The following SCN1A variants were observed in gnomAD, a reference collection of about 807,000 sequenced individuals.
SCN1A encodes sodium voltage-gated channel alpha subunit 1.
A neutral mutation model predicts 193.7 loss-of-function variants in SCN1A; 13 were observed. That is an observed-to-expected ratio of 0.07 (90% confidence interval 0.04 to 0.11). SCN1A has a LOEUF of 0.11. SCN1A is among the 10% of genes least tolerant of loss of function. The pLI, the probability that SCN1A is intolerant of heterozygous loss-of-function variation, is 1.00. For missense variants in SCN1A, 1,432 were observed against 2,451.1 expected (o/e 0.58, Z 8.78); for synonymous variants, 781 against 843.6 (o/e 0.93, Z 1.29).
At chr2:166,086,425 A>AT (rs1175736219) in intron 2 of SCN1A, among the ~76,000 whole-genome samples, 1 of 152,106 alleles carries the variant, frequency 6.6e-6, no homozygotes, top group Non-Finnish European at 1.5e-5. Flanking sequence ...TAATGTCGCC[A>AT]TTTTTTCCAC....
intron 4 of SCN1A, chr2:166,059,581 A>T (rs1683066332): frequency 6.6e-6 from 1 of 152,210 alleles, no homozygotes; most frequent in African/African-American, 2.4e-5. Flanking sequence ...ACTTATATTT[A>T]GACAGAGCCA....
intron 1 of SCN1A, among the ~76,000 whole-genome samples, chr2:166,136,493 G>T (rs910858183): frequency 1.3e-5 from 2 of 151,588 alleles, no homozygotes; most frequent in African/African-American, 2.4e-5. Context: ...CCCTTTTCTT[G>T]TCCCTCTGCT....
At chr2:166,103,915 T>G (rs1332817967) in intron 2 of SCN1A, among the ~76,000 whole-genome samples, 1 of 152,204 alleles carries the variant, frequency 6.6e-6, no homozygotes, top group East Asian at 1.9e-4. Flanking sequence ...ATACTGTGTA[T>G]AGCTAGAGCA....
intron 17 of SCN1A, among the ~76,000 whole-genome samples, chr2:166,038,908 A>G (rs970502597): frequency 6.6e-6 from 1 of 152,186 alleles, no homozygotes; most frequent in African/African-American, 2.4e-5. Flanking sequence ...ATAATTCTAC[A>G]ATTATTTTCC....
intron 19 of SCN1A, among the ~76,000 whole-genome samples, chr2:166,021,893 C>T (rs1694120198): frequency 6.6e-6 from 1 of 152,060 alleles, no homozygotes; most frequent in African/African-American, 2.4e-5. Context: ...AGGGAAGTTC[C>T]ACTTTCATCT....
At chr2:166,056,725 T>C (rs1385455462) in intron 5 of SCN1A, among the ~76,000 whole-genome samples, 2 of 152,032 alleles carry the variant, frequency 1.3e-5, no homozygotes, top group African/African-American at 4.8e-5. Flanking sequence ...AGGTAATGTA[T>C]ATGAAAGCAT....
chr2:166,108,790 A>G (rs1015920610), intron 2 of SCN1A, among the ~76,000 whole-genome samples: 10 of 152,186 alleles, frequency 6.6e-5, no homozygotes, highest in Admixed American at 4.6e-4. Context: ...GTGATTGCCT[A>G]GGACTGGGAG....
At chr2:166,142,348 G>T (rs868021703) in intron 1 of SCN1A, among the ~76,000 whole-genome samples, 1 of 152,194 alleles carries the variant, frequency 6.6e-6, no homozygotes, top group Middle Eastern at 3.4e-3. Flanking sequence ...TTTATAATTG[G>T]GTTGTTTTCT....
At chr2:166,003,395 T>A (rs897250434) in intron 23 of SCN1A, among the ~76,000 whole-genome samples, 1 of 151,622 alleles carries the variant, frequency 6.6e-6, no homozygotes, top group African/African-American at 2.4e-5. Flanking sequence ...CTGAGTTTAA[T>A]TCAAAAAACT....
At chr2:166,103,406 G>A (rs954272529) in intron 2 of SCN1A, among the ~76,000 whole-genome samples, 96 of 151,750 alleles carry the variant, frequency 6.3e-4, no homozygotes, top group African/African-American at 2.1e-3. Context: ...AGCCGAGTTC[G>A]CACCGCTGCA....
intron 2 of SCN1A, among the ~76,000 whole-genome samples, chr2:166,124,722 T>C (rs1295034461): frequency 6.6e-6 from 1 of 152,148 alleles, no homozygotes; most frequent in Non-Finnish European, 1.5e-5. Context: ...TACCATCACA[T>C]GGATGATGAG....
chr2:166,111,959 G>A (rs1329207490), intron 2 of SCN1A, among the ~76,000 whole-genome samples: 2 of 152,226 alleles, frequency 1.3e-5, no homozygotes, highest in Non-Finnish European at 2.9e-5. Flanking sequence ...TCTTATAGAC[G>A]AGCAAAGAAA....
At chr2:166,070,131 AAATT>A (rs1324948817) in intron 4 of SCN1A, among the ~76,000 whole-genome samples, 1 of 152,226 alleles carries the variant, frequency 6.6e-6, no homozygotes, top group African/African-American at 2.4e-5. Context: ...TTAGAAAAGA[AAATT>A]AAAGGCAGAA....
chr2:166,098,520 G>A (rs1029763210), intron 2 of SCN1A, among the ~76,000 whole-genome samples: 8 of 152,054 alleles, frequency 5.3e-5, no homozygotes, highest in Admixed American at 2.0e-4. Context: ...CCAGGCAGGA[G>A]AAAGAAATAA....
At chr2:166,005,290 G>C (rs1376878597) in intron 23 of SCN1A, among the ~76,000 whole-genome samples, 2 of 151,414 alleles carry the variant, frequency 1.3e-5, no homozygotes, top group Non-Finnish European at 3.0e-5. Context: ...GTTTAGATTA[G>C]TATTTATTGA....
At position 166,045,114 on chromosome 2, in the gene SCN1A, T is replaced by C; in HGVS notation, c.1591A>G (p.Arg531Gly). The change falls in exon 13 of 29, where the codon AGG becomes GGG. Residue 531 changes from arginine to glycine, a missense_variant. Arg to Gly is a moderately radical substitution (Grantham distance 125). This residue lies in a region of SCN1A where 316 missense variants were observed against 362.1 expected (regional missense o/e 0.87). Transcript: ENST00000674923. ...QKSESEDSIR[R>G]KGFRFSIEGN... Reference sequence around the variant, plus strand: ...TCAATGGAGAAGCGAAAACCTTTCCTCCTGATGCTGTCCTCAGATTCAGAT... The same window carrying C: ...TCAATGGAGAAGCGAAAACCTTTCCCCCTGATGCTGTCCTCAGATTCAGAT... The C allele has an allele frequency of 1.2e-6, 2 of 1,614,210 alleles. No homozygotes were observed. The highest frequency in any genetic ancestry group is 1.7e-6 in the Non-Finnish European group (2 of 1,180,024).
At chr2:166,123,299 T>C (rs1690832766) in intron 2 of SCN1A, among the ~76,000 whole-genome samples, 1 of 146,738 alleles carries the variant, frequency 6.8e-6, no homozygotes, top group African/African-American at 2.5e-5. Flanking sequence ...TCCTGTGTCC[T>C]GGCCACTATG....
chr2:166,120,160 T>A (rs1036645308), intron 2 of SCN1A, among the ~76,000 whole-genome samples: 3 of 96,480 alleles, frequency 3.1e-5, no homozygotes, highest in East Asian at 4.8e-4. Flanking sequence ...TCTATTTAAA[T>A]TTTTTTTTTG....
intron 2 of SCN1A, among the ~76,000 whole-genome samples, chr2:166,090,187 C>A (rs528750352): frequency 1.3e-5 from 2 of 151,942 alleles, no homozygotes; most frequent in South Asian, 4.2e-4. Flanking sequence ...TGCATACCAG[C>A]ATGCCCAGCT....
Sources: gnomAD v4.1 joint callset for allele counts (sites outside exome capture counted in the v4.1 genomes callset) on GRCh38, gnomAD v4.1.1 for gene constraint, gnomAD v4.1.1 regional missense constraint, MANE v1.5 for transcripts, NCBI Gene and HGNC (gene_info 2026-07-23, HGNC 2026-07-21) for gene names.